The following TEX10 variants were observed in gnomAD, a reference collection of about 807,000 sequenced individuals.
TEX10 encodes the protein testis-expressed protein 10.
Under a neutral mutation model 104.4 loss-of-function variants are expected in TEX10, and 24 were observed. The observed-to-expected ratio is 0.23, with a 90% CI of 0.17 to 0.32. The LOEUF (loss-of-function observed/expected upper bound fraction) is 0.32, where lower values mean the gene tolerates loss of function less well. Among genes scored for constraint, TEX10 ranks in the 10% least tolerant of loss-of-function variants. The probability of loss-of-function intolerance (pLI) is 1.00; values close to 1 mark genes in which losing one functional copy is unlikely to be tolerated. For missense variants in TEX10, 921 were observed against 1,083.9 expected (o/e 0.85, Z 2.11); for synonymous variants, 396 against 393.4 (o/e 1.01, Z -0.08).
At chr9:100,317,031 T>C (rs1564206061) in intron 11 of TEX10, among the ~76,000 whole-genome samples, 1 of 151,646 alleles carries the variant, frequency 6.6e-6, no homozygotes, top group African/African-American at 2.4e-5. Context: ...AATGTTCAGA[T>C]AGAAAGACTG....
In TEX10 at chr9:100,308,647, C is replaced by G; in HGVS notation, c.2318G>C (p.Gly773Ala). 6.2e-7 allele frequency: 1 copy of G among 1,607,900 alleles called. No homozygotes were observed. Reference protein sequence around the residue: ...GLTVIPDSTAGCVFGVICKLL... With the variant: ...GLTVIPDSTAACVFGVICKLL... ...CTTACAGATAACACCAAAAACACAG[C>G]CAGCCGTGCTGTCAGGAATTACAGT... The change falls in exon 13 of 15, where the codon GGC (glycine) becomes GCC (alanine). Residue 773 changes from glycine to alanine, a missense_variant. Physicochemically the swap from Gly to Ala is moderately conservative, Grantham distance 60 (BLOSUM62 0). This residue lies in a region of TEX10 where 753 missense variants were observed against 868.4 expected (regional missense o/e 0.87). Coordinates refer to ENST00000374902, the MANE Select transcript of TEX10 (RefSeq NM_017746.4).
At position 100,318,446 on chromosome 9, in the gene TEX10, C is replaced by A. The variant is rs557602892; in HGVS notation, c.2202+1819G>T. Among the ~76,000 whole-genome samples the A allele has an allele frequency of 4.6e-5, 7 of 152,140 alleles. No homozygotes were observed. The South Asian group carries it at 1.2e-3, about 27-fold the overall frequency. On this transcript the variant is annotated intron_variant, in intron 11 of 14. Transcript: ENST00000374902. ...TGGACATAGAGTGTGAAATGACATA[C>A]AATAGAGACTCAAAAAGGTGAATGG...
intron 4 of TEX10, among the ~76,000 whole-genome samples, chr9:100,345,222 G>C (rs1835273112): frequency 6.6e-6 from 1 of 152,074 alleles, no homozygotes; most frequent in African/African-American, 2.4e-5. Context: ...TCCTACAGAT[G>C]ATGAGTTAAC....
chr9:100,304,469 A>G (rs911612487), intron 13 of TEX10: 6 of 152,926 alleles, frequency 3.9e-5, no homozygotes, highest in Non-Finnish European at 8.8e-5. Context: ...AAAAACAAGC[A>G]ACAGGGCAAG....
At chr9:100,326,752 A>G (rs1258907352) in intron 8 of TEX10, among the ~76,000 whole-genome samples, 3 of 152,242 alleles carry the variant, frequency 2.0e-5, no homozygotes, top group Non-Finnish European at 1.5e-5. Context: ...GGGGGTAATA[A>G]GGAAAAGAGA....
intron 5 of TEX10, among the ~76,000 whole-genome samples, chr9:100,330,900 G>A (rs1834845810): frequency 6.6e-6 from 1 of 152,090 alleles, no homozygotes; most frequent in African/African-American, 2.4e-5. Context: ...AAGACTGCTT[G>A]AGGCCAAGAG....
Position 100,352,743 on chromosome 9 carries a change from ACCCGGCCCGACGGGCGACGGC to A in TEX10, c.-10+8_-10+28del, listed in dbSNP as rs1835494063. On this transcript the variant is annotated splice_region_variant and intron_variant, in intron 1 of 14. Transcript: ENST00000374902. ...ACGCTCAGTCCCGCGCCCCGGGAGG[ACCCGGCCCGACGGGCGACGGC>A]CGCTTACCTGAGGACCCGGCCGCGG... 8 of 1,169,114 alleles carry A rather than the reference ACCCGGCCCGACGGGCGACGGC, an allele frequency of 6.8e-6. No homozygotes were observed. In the South Asian group the frequency reaches 2.5e-4, roughly 36 times the overall value. 72.4% of individuals were successfully genotyped at this position (1,169,114 alleles called of 1,614,324 possible). A position where few individuals can be genotyped will look rare whatever the true frequency, so the allele number is the denominator to read the frequency against.
chr9:100,319,418 T>C (rs1306742952), intron 11 of TEX10, among the ~76,000 whole-genome samples: 5 of 148,594 alleles, frequency 3.4e-5, no homozygotes, highest in Admixed American at 2.0e-4. Flanking sequence ...ACAAATACTA[T>C]TATGGTTATT....
intron 5 of TEX10, among the ~76,000 whole-genome samples, chr9:100,330,749 T>C (rs1834840967): frequency 6.6e-6 from 1 of 152,206 alleles, no homozygotes; most frequent in Non-Finnish European, 1.5e-5. Context: ...AAAACAAAAT[T>C]TGCAACTTAG....
chr9:100,343,180 G>A (rs1469563645), intron 4 of TEX10, among the ~76,000 whole-genome samples: 2 of 151,248 alleles, frequency 1.3e-5, no homozygotes, highest in Non-Finnish European at 2.9e-5. Flanking sequence ...GTTATATCAA[G>A]GATATAGCTA....
At chr9:100,352,347 G>A (rs2118952706) in intron 1 of TEX10, 3 of 1,550,616 alleles carry the variant, frequency 1.9e-6, no homozygotes, top group African/African-American at 2.7e-5. Flanking sequence ...GGCGACCAGA[G>A]GACGGAACAG....
At chr9:100,347,718 ACAT>A (rs1835334736) in intron 2 of TEX10, among the ~76,000 whole-genome samples, 1 of 152,180 alleles carries the variant, frequency 6.6e-6, no homozygotes, top group African/African-American at 2.4e-5. Context: ...TAGGTACCAA[ACAT>A]CATGGAAGGT....
chr9:100,352,774 G>A lies in TEX10; in HGVS notation c.-12C>T, dbSNP rs1191125967. ...CCCGACGGGCGACGGCCGCTTACCT[G>A]AGGACCCGGCCGCGGCCGGGGCGAG... On this transcript the variant is annotated splice_region_variant and 5_prime_UTR_variant, in exon 1 of 15. Coordinates refer to ENST00000374902, the MANE Select transcript of TEX10 (RefSeq NM_017746.4). The A allele has an allele frequency of 7.2e-6, 8 of 1,109,264 alleles. No individual in the cohort carries two copies. Among genetic ancestry groups the A allele is most frequent in the South Asian group, 7.2e-5 (2 of 27,752 alleles). 68.7% of individuals were successfully genotyped at this position (1,109,264 alleles called of 1,614,324 possible).
chr9:100,322,347 A>G (rs1382957880), intron 9 of TEX10, among the ~76,000 whole-genome samples: 1 of 152,230 alleles, frequency 6.6e-6, no homozygotes, highest in Non-Finnish European at 1.5e-5. Flanking sequence ...AATGTAAAGC[A>G]GCTTCCCATT....
Position 100,329,995 on chromosome 9 carries a change from A to G in TEX10, c.1425T>C (p.Asn475=). Residue 475 remains asparagine, a synonymous_variant, in exon 6 of 15, where the codon AAT becomes AAC. Transcript: ENST00000374902. The stretch of plus-strand genomic sequence containing the variant: ...CCAGCAATCTGTTCAGTTGCTTACT[A>G]TTTAGCCTAGAGCCATCTTCAAGGG... ...TETLEDGSRL[N]SKQLNRLLGV... is the part of the protein sequence containing the mutation. The G allele has an allele frequency of 6.2e-7, 1 of 1,614,096 alleles. No homozygotes were observed. The highest frequency in any genetic ancestry group is 8.5e-7 in the Non-Finnish European group (1 of 1,179,986).
chr9:100,318,644 T>C (rs1834484838), intron 11 of TEX10, among the ~76,000 whole-genome samples: 1 of 152,224 alleles, frequency 6.6e-6, no homozygotes. Context: ...CTTAAAAACT[T>C]AGAAATGAAA....
At chr9:100,313,845 C>CAAA (rs34304010) in intron 11 of TEX10, among the ~76,000 whole-genome samples, 2 of 90,734 alleles carry the variant, frequency 2.2e-5, no homozygotes, top group African/African-American at 4.0e-5. Flanking sequence ...ACTGTGTTTC[C>CAAA]AAAAAAAAAA....
chr9:100,302,889 T>C (rs968997012), intron 14 of TEX10, among the ~76,000 whole-genome samples: 2 of 151,502 alleles, frequency 1.3e-5, no homozygotes, highest in Non-Finnish European at 2.9e-5. Flanking sequence ...TCTCAAGGGA[T>C]AATCTGCCAA....
chr9:100,314,948 T>C (rs968601414), intron 11 of TEX10, among the ~76,000 whole-genome samples: 14 of 152,350 alleles, frequency 9.2e-5, no homozygotes, highest in African/African-American at 2.6e-4. Flanking sequence ...TGTTTTGAAT[T>C]TCTATTTTAA....
Sources: gnomAD v4.1 joint callset for allele counts (sites outside exome capture counted in the v4.1 genomes callset) on GRCh38, gnomAD v4.1.1 for gene constraint, gnomAD v4.1.1 regional missense constraint, MANE v1.5 for transcripts, NCBI Gene and HGNC (gene_info 2026-07-23, HGNC 2026-07-21) for gene names.